Variants in NEGR1 observed in about 807,000 individuals in gnomAD.
NEGR1 encodes the protein neuronal growth regulator 1, also known as IgLON family member 4.
In NEGR1, 10 loss-of-function variants were observed where a neutral mutation model predicts 40.9. The observed-to-expected ratio is 0.24, with a 90% CI of 0.15 to 0.42. NEGR1 has a LOEUF of 0.42. NEGR1 is among the 10% of genes least tolerant of loss of function. The pLI is 1.00. For missense variants in NEGR1, 352 were observed against 438.9 expected (o/e 0.80, Z 1.77); for synonymous variants, 185 against 166.8 (o/e 1.11, Z -0.84).
At chr1:72,092,302 T>G (rs1393507158) in intron 1 of NEGR1, among the ~76,000 whole-genome samples, 1 of 152,108 alleles carries the variant, frequency 6.6e-6, no homozygotes, top group Non-Finnish European at 1.5e-5. Flanking sequence ...TAATAGCAAC[T>G]TTCAGTCTAG....
Position 71,564,558 on chromosome 1 carries a change from A to G in NEGR1, c.940+28259T>C, listed in dbSNP as rs187334733. Among the ~76,000 whole-genome samples, 449 of 152,202 alleles carry G rather than the reference A, an allele frequency of 3.0e-3. 5 individuals are homozygous for G. Among genetic ancestry groups the G allele is most frequent in the African/African-American group, 0.01 (434 of 41,554 alleles). ...TTACTCATATTTCCTCCCTGTCTCAATCTTCTCTCTTAGTGTTGATATGTA... is the reference window on the plus strand; with the variant it reads ...TTACTCATATTTCCTCCCTGTCTCAGTCTTCTCTCTTAGTGTTGATATGTA... On this transcript the variant is annotated intron_variant, in intron 6 of 6. Transcript: ENST00000357731.
intron 6 of NEGR1, among the ~76,000 whole-genome samples, chr1:71,464,996 G>A (rs1326347548): frequency 6.6e-6 from 1 of 152,108 alleles, no homozygotes; most frequent in African/African-American, 2.4e-5. Context: ...TCCAGGTAGA[G>A]AATAGCATTG....
chr1:72,161,583 C>T (rs992280259), intron 1 of NEGR1, among the ~76,000 whole-genome samples: 9 of 151,820 alleles, frequency 5.9e-5, no homozygotes, highest in Non-Finnish European at 1.3e-4. Flanking sequence ...TTGTGAAACC[C>T]TACCCTAGAT....
chr1:71,616,380 A>C (rs1455999082), intron 4 of NEGR1, among the ~76,000 whole-genome samples: 1 of 152,228 alleles, frequency 6.6e-6, no homozygotes. Flanking sequence ...TCTAAGGTGC[A>C]CACTCCTTAT....
intron 6 of NEGR1, among the ~76,000 whole-genome samples, chr1:71,454,932 TCCAGCCCTAACCTGGGGGTTG>T (rs926371723): frequency 6.6e-6 from 1 of 152,162 alleles, no homozygotes; most frequent in Non-Finnish European, 1.5e-5. Context: ...CCTATCCTTC[TCCAGCCCTAACCTGGGGGTTG>T]GCATACTCCA....
intron 1 of NEGR1, among the ~76,000 whole-genome samples, chr1:72,223,817 A>G (rs1654089007): frequency 6.6e-6 from 1 of 152,170 alleles, no homozygotes; most frequent in Non-Finnish European, 1.5e-5. Flanking sequence ...TTCAGTATTT[A>G]TATTTAAAAT....
intron 2 of NEGR1, among the ~76,000 whole-genome samples, chr1:71,886,764 C>T (rs561872026): frequency 5.3e-5 from 8 of 152,154 alleles, no homozygotes; most frequent in African/African-American, 1.9e-4. Flanking sequence ...TACGTGTATT[C>T]CATTTACTGG....
chr1:71,512,899 A>C (rs1189155242), intron 6 of NEGR1, among the ~76,000 whole-genome samples: 2 of 152,206 alleles, frequency 1.3e-5, no homozygotes, highest in Non-Finnish European at 2.9e-5. Context: ...GAATTTTTAA[A>C]ATGTGTAAAT....
chr1:72,275,452 A>C (rs1206818239), intron 1 of NEGR1, among the ~76,000 whole-genome samples: 1 of 152,074 alleles, frequency 6.6e-6, no homozygotes, highest in Non-Finnish European at 1.5e-5. Context: ...GAAAAGCAAA[A>C]AGACAGGTAA....
Position 71,588,245 on chromosome 1 carries a change from G to A in NEGR1, c.940+4572C>T, listed in dbSNP as rs148203715. ...TGCTCATGTTCAGGAAGCAAAAAAC[G>A]CACTGAAAAATAACAATAAAATAAC... On this transcript the variant is annotated intron_variant, in intron 6 of 6. Coordinates refer to ENST00000357731, the MANE Select transcript of NEGR1 (RefSeq NM_173808.3). Among the ~76,000 whole-genome samples the A allele has an allele frequency of 1.5e-3, 235 of 152,078 alleles. 2 individuals carry two copies. Among genetic ancestry groups the A allele is most frequent in the African/African-American group, 5.3e-3 (221 of 41,514 alleles).
chr1:72,135,422 CAA>C lies in NEGR1; in HGVS notation c.176+146895_176+146896del, dbSNP rs71074820. ...CAAAAAACAAAAAAAAAAACAAAAC[CAA>C]AAAAAAAAAAAAAAAGAAATAACTT... On this transcript the variant is annotated intron_variant, in intron 1 of 6. Coordinates refer to ENST00000357731, the MANE Select transcript of NEGR1 (RefSeq NM_173808.3). Among the ~76,000 whole-genome samples the C allele has an allele frequency of 3.5e-3, 353 of 102,268 alleles. 1 individual carries two copies. Among genetic ancestry groups the C allele is most frequent in the Middle Eastern group, 0.021 (3 of 142 alleles). 67.1% of individuals were successfully genotyped at this position (102,268 alleles called of 152,430 possible).
Position 71,743,023 on chromosome 1 carries a change from G to A in NEGR1, c.535+33149C>T, listed in dbSNP as rs76297070. On this transcript the variant is annotated intron_variant, in intron 3 of 6. Transcript: ENST00000357731. Reference sequence around the variant, plus strand: ...GGTTATCTCTCTCTCTCCACTATGTGAGGATACATCGAGAAGATAAGACGA... The same window carrying A: ...GGTTATCTCTCTCTCTCCACTATGTAAGGATACATCGAGAAGATAAGACGA... Among the ~76,000 whole-genome samples the A allele has an allele frequency of 4.7e-3, 708 of 152,244 alleles. 8 individuals carry two copies. Among genetic ancestry groups the A allele is most frequent in the African/African-American group, 0.016 (656 of 41,542 alleles).
intron 3 of NEGR1, among the ~76,000 whole-genome samples, chr1:71,732,347 A>T (rs996067917): frequency 2.6e-5 from 4 of 152,070 alleles, no homozygotes; most frequent in Non-Finnish European, 4.4e-5. Context: ...AACAACAAAA[A>T]AACCCCATAC....
Position 71,935,999 on chromosome 1 carries a change from G to A in NEGR1, c.177-688C>T, listed in dbSNP as rs1198573301. On this transcript the variant is annotated intron_variant, in intron 1 of 6. Transcript: ENST00000357731. ...TTTATATTGGAGAGGGGGTTTCACTGTGTTGGCCAGACTGGTCTTGAACTC... is the reference window on the plus strand; with the variant it reads ...TTTATATTGGAGAGGGGGTTTCACTATGTTGGCCAGACTGGTCTTGAACTC... Among the ~76,000 whole-genome samples, 11 of 152,094 alleles carry A rather than the reference G, an allele frequency of 7.2e-5. No individual in the cohort carries two copies. The East Asian group carries it at 1.8e-3, about 24-fold the overall frequency.
chr1:72,129,371 A>G (rs1650153769), intron 1 of NEGR1, among the ~76,000 whole-genome samples: 1 of 152,198 alleles, frequency 6.6e-6, no homozygotes, highest in African/African-American at 2.4e-5. Context: ...TAATGGCAAT[A>G]TATAACCTAG....
chr1:71,729,993 A>C (rs898027826), intron 3 of NEGR1, among the ~76,000 whole-genome samples: 2 of 152,094 alleles, frequency 1.3e-5, no homozygotes, highest in African/African-American at 4.8e-5. Flanking sequence ...GATAAAAATT[A>C]ATCAAAGTAA....
intron 6 of NEGR1, among the ~76,000 whole-genome samples, chr1:71,546,425 TAAAATA>T (rs1291324612): frequency 6.6e-6 from 1 of 151,594 alleles, no homozygotes; most frequent in Non-Finnish European, 1.5e-5. Flanking sequence ...ACAAACTATT[TAAAATA>T]AAAATAAATA....
At chr1:71,412,633 T>G (rs559231881) in intron 6 of NEGR1, among the ~76,000 whole-genome samples, 1 of 152,312 alleles carries the variant, frequency 6.6e-6, no homozygotes, top group South Asian at 2.1e-4. Flanking sequence ...ATTTTAATAG[T>G]TGTTCCTGTG....
intron 1 of NEGR1, among the ~76,000 whole-genome samples, chr1:72,245,099 G>A (rs1202110893): frequency 5.9e-5 from 9 of 151,954 alleles, no homozygotes; most frequent in Admixed American, 1.3e-4. Context: ...ATTGGTCAAC[G>A]TAAAATTTTT....
Sources: allele counts gnomAD v4.1 joint callset (sites outside exome capture counted in the v4.1 genomes callset), GRCh38; gene constraint gnomAD v4.1.1; transcripts MANE v1.5; gene names NCBI Gene and HGNC (gene_info 2026-07-23, HGNC 2026-07-21).